TRIM5: variants seen among roughly 807,000 people sequenced by gnomAD.
The protein encoded by TRIM5 is tripartite motif containing 5.
TRIM5 carries 31 observed loss-of-function variants against 35.6 expected under a neutral mutation model. That is an observed-to-expected ratio of 0.87 (90% confidence interval 0.65 to 1.18). The LOEUF (loss-of-function observed/expected upper bound fraction) is 1.18. Among genes scored for constraint, TRIM5 ranks in the 50% most tolerant of loss-of-function variants. The probability of loss-of-function intolerance (pLI) is 0.00; values close to 1 mark genes in which losing one functional copy is unlikely to be tolerated. For synonymous variants in TRIM5, 243 were observed against 215.6 expected, an observed-to-expected ratio of 1.13 and a Z score of -1.11; for missense variants, 609 against 591.6, an observed-to-expected ratio of 1.03 and a Z score of -0.31.
the TRIM5 span, among the ~76,000 whole-genome samples, chr11:5,602,960 G>GA: frequency 2.0e-5 from 3 of 151,422 alleles, no homozygotes; most frequent in African/African-American, 4.9e-5. Context: ...TCTCAAAAAA[G>GA]AAAAAAAAGA....
chr11:5,615,577 GTTT>G, the TRIM5 span, among the ~76,000 whole-genome samples: 6,741 of 109,466 alleles, frequency 0.062, 251 homozygotes, highest in East Asian at 0.19. Flanking sequence ...CTTGTTTTTT[GTTT>G]TTTTTTTGTT....
At chr11:5,635,013 T>C in the TRIM5 span, 8 of 769,436 alleles carry the variant, frequency 1.0e-5, no homozygotes, top group South Asian at 5.9e-5. Context: ...AATGACATTT[T>C]TATTAATTTA....
At chr11:5,647,673 C>T in the TRIM5 span, among the ~76,000 whole-genome samples, 1 of 152,206 alleles carries the variant, frequency 6.6e-6, no homozygotes, top group African/African-American at 2.4e-5. Flanking sequence ...CAGGCACACG[C>T]CACCATGCCT....
At chr11:5,655,619 G>A in the TRIM5 span, 2 of 984,120 alleles carry the variant, frequency 2.0e-6, no homozygotes, top group Non-Finnish European at 2.4e-6. Flanking sequence ...AAGGTGTGAA[G>A]ATTGCCATGC....
At chr11:5,596,668 C>G in the TRIM5 span, 2 of 604,560 alleles carry the variant, frequency 3.3e-6, no homozygotes, top group Non-Finnish European at 5.6e-6. Flanking sequence ...CTTCCGCAAA[C>G]TCCTGACCTG....
the TRIM5 span, among the ~76,000 whole-genome samples, chr11:5,625,697 T>C: frequency 3.0e-5 from 4 of 134,350 alleles, no homozygotes; most frequent in Admixed American, 7.4e-5. Flanking sequence ...GTTCCCTCTG[T>C]TCCTATGTCT....
chr11:5,594,599 C>T, the TRIM5 span, among the ~76,000 whole-genome samples: 6 of 152,070 alleles, frequency 3.9e-5, no homozygotes, highest in Non-Finnish European at 1.5e-5. Context: ...GCCAACATGC[C>T]CAGCCAACAT....
Position 5,664,874 on chromosome 11 carries a change from C to T in TRIM5, c.1417G>A (p.Val473Ile), listed in dbSNP as rs1437008012. 1 of 1,613,364 alleles carries T rather than the reference C, an allele frequency of 6.2e-7. No homozygotes were observed. The highest frequency in any genetic ancestry group is 2.2e-5 in the East Asian group (1 of 44,864). The change falls in exon 8 of 8, where the codon GTA (valine) becomes ATA (isoleucine). Residue 473 changes from valine (V) to isoleucine (I), a missense_variant. Val to Ile is a conservative substitution (Grantham distance 29). Coordinates refer to ENST00000380034, the MANE Select transcript of TRIM5 (RefSeq NM_033034.3). Reference protein sequence around the residue: ...KFSHCSFSQPVFPYLNPRKCG... With the variant: ...KFSHCSFSQPIFPYLNPRKCG... The stretch of plus-strand genomic sequence containing the variant: ...TTTCTAGGATTTAAATATGGAAATA[C>T]AGGCTGAGAAAAAGAACAGTGAGAA...
chr11:5,671,500 T>A (rs958578853), intron 4 of TRIM5, among the ~76,000 whole-genome samples: 1 of 151,682 alleles, frequency 6.6e-6, no homozygotes, highest in Non-Finnish European at 1.5e-5. Context: ...GAGATAGAAA[T>A]GATAAGGAAA....
At chr11:5,617,664 T>TA in the TRIM5 span, among the ~76,000 whole-genome samples, 1 of 138,586 alleles carries the variant, frequency 7.2e-6, no homozygotes, top group Non-Finnish European at 1.6e-5. Flanking sequence ...AATTTTTGTG[T>TA]TTTTTAGTAG....
the TRIM5 span, among the ~76,000 whole-genome samples, chr11:5,656,952 C>T: frequency 6.6e-6 from 1 of 152,156 alleles, no homozygotes; most frequent in African/African-American, 2.4e-5. Flanking sequence ...ACAGTAATCC[C>T]ATTACTGGGT....
At chr11:5,612,300 CCATT>C in the TRIM5 span, 2 of 152,042 alleles carry the variant, frequency 1.3e-5, no homozygotes, top group Non-Finnish European at 2.9e-5. Context: ...TAAAACCAAA[CCATT>C]ATAATGATAA....
chr11:5,631,810 G>A, the TRIM5 span, among the ~76,000 whole-genome samples: 1 of 152,148 alleles, frequency 6.6e-6, no homozygotes, highest in Non-Finnish European at 1.5e-5. Context: ...TCTAAACACT[G>A]AGGCTATAGC....
At chr11:5,620,942 C>T in the TRIM5 span, among the ~76,000 whole-genome samples, 1 of 152,202 alleles carries the variant, frequency 6.6e-6, no homozygotes, top group Non-Finnish European at 1.5e-5. Context: ...TGCTTCTAAA[C>T]TAGTAAAGCA....
the TRIM5 span, among the ~76,000 whole-genome samples, chr11:5,656,762 T>C: frequency 6.6e-6 from 1 of 152,164 alleles, no homozygotes; most frequent in South Asian, 2.1e-4. Context: ...CACAATGAGA[T>C]ACCATCTCAC....
chr11:5,611,770 C>T, the TRIM5 span: 38 of 186,724 alleles, frequency 2.0e-4, no homozygotes, highest in East Asian at 5.0e-3. Flanking sequence ...TCGTTTTAAA[C>T]AGTTACTCAG....
At chr11:5,669,942 T>C in intron 4 of TRIM5, 1 of 177,104 alleles carries the variant, frequency 5.6e-6, no homozygotes, top group Admixed American at 6.2e-5. Flanking sequence ...ACCACTGCAC[T>C]CCAGCCTGGG....
At chr11:5,635,400 A>G in the TRIM5 span, among the ~76,000 whole-genome samples, 9 of 151,878 alleles carry the variant, frequency 5.9e-5, no homozygotes, top group Admixed American at 1.3e-4. Context: ...GACTACAGGC[A>G]CCCACCACCA....
At chr11:5,603,234 T>A in the TRIM5 span, 1 of 1,607,744 alleles carries the variant, frequency 6.2e-7, no homozygotes, top group Admixed American at 1.7e-5. Context: ...TTTTGTTTGT[T>A]CATCTACCTA....
Sources: gnomAD v4.1 joint callset for allele counts (sites outside exome capture counted in the v4.1 genomes callset) on GRCh38, gnomAD v4.1.1 for gene constraint, MANE v1.5 for transcripts, NCBI Gene and HGNC (gene_info 2026-07-23, HGNC 2026-07-21) for gene names.